The following PACRG variants were observed in gnomAD, a reference collection of about 807,000 sequenced individuals.
PACRG encodes parkin coregulated.
A neutral mutation model predicts 29.7 loss-of-function variants in PACRG; 29 were observed. The ratio of observed to expected loss-of-function variants is 0.98; its 90% confidence interval spans 0.73 to 1.33. The LOEUF (loss-of-function observed/expected upper bound fraction) is 1.33, where lower values mean the gene tolerates loss of function less well. PACRG is among the 40% of genes most tolerant of loss of function. PACRG has a pLI of 0.00. For missense variants in PACRG, 279 were observed against 316.2 expected (o/e 0.88, Z 0.89); for synonymous variants, 116 against 118.7 (o/e 0.98, Z 0.15).
intron 2 of PACRG, among the ~76,000 whole-genome samples, chr6:162,824,835 A>G (rs1788145739): frequency 6.6e-6 from 1 of 152,218 alleles, no homozygotes; most frequent in Non-Finnish European, 1.5e-5. Flanking sequence ...AAGTCCTTTC[A>G]AAGAGTATAT....
intron 2 of PACRG, among the ~76,000 whole-genome samples, chr6:162,926,329 G>T (rs959773411): frequency 6.6e-6 from 1 of 151,408 alleles, no homozygotes; most frequent in East Asian, 1.9e-4. Flanking sequence ...ATGGAAACAA[G>T]AGCCCATATA....
Position 162,787,578 on chromosome 6 carries a change from G to GTA in PACRG, c.157-26568_157-26567insAT, listed in dbSNP as rs1408657404. 1.8e-3 allele frequency among the ~76,000 whole-genome samples: 93 copies of GTA among 51,412 alleles called. 1 individual carries two copies. The highest frequency in any genetic ancestry group is 0.011 in the Middle Eastern group (1 of 92). 33.7% of individuals were successfully genotyped at this position (51,412 alleles called of 152,430 possible). A position where few individuals can be genotyped will look rare whatever the true frequency, so the allele number is the denominator to read the frequency against. On this transcript the variant is annotated intron_variant, in intron 1 of 4. Transcript: ENST00000366888. ...GGTTATTGTGTGTGTGTGTGTGTGT[G>GTA]TGTGTATATATATATATATATATAT...
intron 4 of PACRG, among the ~76,000 whole-genome samples, chr6:163,182,273 T>C (rs2763993): frequency 0.88 from 133,904 of 152,284 alleles, 59,142 homozygotes; most frequent in African/African-American, 0.97. Flanking sequence ...ATAAAATCAG[T>C]TGATGGATGA....
At chr6:163,218,515 T>G (rs1346336938) in intron 4 of PACRG, among the ~76,000 whole-genome samples, 3 of 152,148 alleles carry the variant, frequency 2.0e-5, no homozygotes, top group Non-Finnish European at 4.4e-5. Context: ...CCGTCCCCTC[T>G]GCAACCCACT....
chr6:163,181,549 C>T (rs556298344), intron 4 of PACRG, among the ~76,000 whole-genome samples: 9 of 146,320 alleles, frequency 6.2e-5, no homozygotes, highest in African/African-American at 1.5e-4. Flanking sequence ...GGATTTGCCC[C>T]TGGAAATGGG....
At chr6:163,013,484 G>A (rs1337350609) in intron 2 of PACRG, among the ~76,000 whole-genome samples, 3 of 150,536 alleles carry the variant, frequency 2.0e-5, no homozygotes, top group Non-Finnish European at 4.5e-5. Flanking sequence ...TGCTCTGTTC[G>A]ACAATGTGGA....
At chr6:162,953,334 A>G (rs1192915152) in intron 2 of PACRG, among the ~76,000 whole-genome samples, 1 of 152,216 alleles carries the variant, frequency 6.6e-6, no homozygotes, top group Non-Finnish European at 1.5e-5. Flanking sequence ...GCTACTTGCA[A>G]TGTTCAAGCT....
In PACRG at chr6:162,814,240, G is replaced by T; in HGVS notation, c.250G>T (p.Ala84Ser). The T allele has an allele frequency of 6.2e-6, 10 of 1,613,692 alleles. No individual in the cohort carries two copies. Among genetic ancestry groups the T allele is most frequent in the Non-Finnish European group, 8.5e-6 (10 of 1,179,838 alleles). Residue 84 changes from alanine to serine, a missense_variant, in exon 2 of 5, where the codon GCC becomes TCC. Physicochemically the swap from Ala to Ser is moderately conservative, Grantham distance 99. Transcript: ENST00000366888. ...KFYERGDFPI[A>S]LEHDSKGNKI... ...CTATGAGCGAGGTGACTTCCCAATT[G>T]CCCTTGAGCATGATTCGAAAGGAAA...
intron 2 of PACRG, among the ~76,000 whole-genome samples, chr6:162,890,747 G>C (rs573782464): frequency 3.1e-4 from 47 of 152,284 alleles, no homozygotes; most frequent in Non-Finnish European, 6.3e-4. Context: ...CATACCCTGT[G>C]AATCAGCATG....
At chr6:163,161,390 T>G (rs1450629212) in intron 4 of PACRG, among the ~76,000 whole-genome samples, 2 of 152,192 alleles carry the variant, frequency 1.3e-5, no homozygotes, top group Non-Finnish European at 2.9e-5. Flanking sequence ...TTTGGTTTAC[T>G]GTGTAATGTG....
chr6:163,126,570 A>G (rs1816522846), intron 4 of PACRG, among the ~76,000 whole-genome samples: 1 of 152,220 alleles, frequency 6.6e-6, no homozygotes, highest in Admixed American at 6.5e-5. Flanking sequence ...TTCAAGCTTC[A>G]CCTTCCTTTT....
At chr6:162,877,204 G>C (rs1417237949) in intron 2 of PACRG, among the ~76,000 whole-genome samples, 2 of 152,166 alleles carry the variant, frequency 1.3e-5, no homozygotes, top group Admixed American at 1.3e-4. Flanking sequence ...ATCAGCGATA[G>C]ACTAGATAAA....
intron 2 of PACRG, among the ~76,000 whole-genome samples, chr6:162,898,154 G>A (rs1294458601): frequency 6.6e-6 from 1 of 152,212 alleles, no homozygotes; most frequent in African/African-American, 2.4e-5. Flanking sequence ...ACAGGATAGG[G>A]CCTGTCTGTT....
rs988472298 is a variant in PACRG at position 163,314,601 on chromosome 6, G to A, written c.614-226G>A. Among the ~76,000 whole-genome samples, 6 of 152,102 alleles carry A rather than the reference G, an allele frequency of 3.9e-5. No homozygotes were observed. The East Asian group carries it at 1.2e-3, about 29-fold the overall frequency. ...TTGTAACTGTGATTCACTTACTTTTGTTTACTCTGTTATTCCTTTATTTTA... is the reference window on the plus strand; with the variant it reads ...TTGTAACTGTGATTCACTTACTTTTATTTACTCTGTTATTCCTTTATTTTA... On this transcript the variant is annotated intron_variant, in intron 4 of 4. Coordinates refer to ENST00000366888, the MANE Select transcript of PACRG (RefSeq NM_001080379.2).
chr6:163,114,860 C>CA (rs35202954), intron 4 of PACRG, among the ~76,000 whole-genome samples: 33,792 of 126,874 alleles, frequency 0.27, 4,082 homozygotes, highest in East Asian at 0.53. Context: ...TTCTCAGCAT[C>CA]AAAAAAAAAA....
intron 2 of PACRG, among the ~76,000 whole-genome samples, chr6:162,843,393 C>T (rs1346428038): frequency 3.3e-5 from 5 of 150,656 alleles, no homozygotes; most frequent in African/African-American, 9.8e-5. Context: ...ATCGCATTGG[C>T]TCCTGAGGCT....
intron 4 of PACRG, among the ~76,000 whole-genome samples, chr6:163,144,405 G>A (rs1777710922): frequency 6.6e-6 from 1 of 151,910 alleles, no homozygotes; most frequent in Non-Finnish European, 1.5e-5. Flanking sequence ...TTAGTAATAT[G>A]TAATGTATAT....
At chr6:162,937,223 A>G (rs960450446) in intron 2 of PACRG, among the ~76,000 whole-genome samples, 1 of 152,242 alleles carries the variant, frequency 6.6e-6, no homozygotes, top group East Asian at 1.9e-4. Context: ...TTCTTCTAGT[A>G]GCCACATTTT....
At chr6:162,821,354 G>A (rs1275601727) in intron 2 of PACRG, among the ~76,000 whole-genome samples, 1 of 152,106 alleles carries the variant, frequency 6.6e-6, no homozygotes, top group South Asian at 2.1e-4. Context: ...GAAAAGAAAG[G>A]TCGACTGCTG....
Sources: allele counts gnomAD v4.1 joint callset (sites outside exome capture counted in the v4.1 genomes callset), GRCh38; gene constraint gnomAD v4.1.1; transcripts MANE v1.5; gene names NCBI Gene and HGNC (gene_info 2026-07-23, HGNC 2026-07-21).